DST: variants seen among roughly 807,000 people sequenced by gnomAD.
DST encodes dystonin.
In DST, 253 loss-of-function variants were observed where a neutral mutation model predicts 875.2. That is an observed-to-expected ratio of 0.29 (90% CI 0.26 to 0.32). The LOEUF is 0.32. DST is among the 10% of genes least tolerant of loss of function. The pLI is 1.00. For missense variants in DST, 8,287 were observed against 9,111.6 expected, an observed-to-expected ratio of 0.91 and a Z score of 3.68; for synonymous variants, 3,124 against 3,197.1, an observed-to-expected ratio of 0.98 and a Z score of 0.77.
intron 5 of DST, among the ~76,000 whole-genome samples, chr6:56,712,517 A>G (rs2099375490): frequency 6.7e-6 from 1 of 149,910 alleles, no homozygotes; most frequent in African/African-American, 2.5e-5. Flanking sequence ...ATATAAAGAC[A>G]AATAATGACA....
Position 56,555,429 on chromosome 6 carries a change from C to G in DST, c.15052G>C (p.Val5018Leu). ...TCTGCTTTCAAGTACTCTTCTTTAA[C>G]CAGTGCTGACAAATCCTCACAGAGT... ...QALCEDLSAL[V>L]KEEYLKAELS... Residue 5018 changes from valine to leucine, a missense_variant, in exon 60 of 104, where the codon GTT (valine) becomes CTT (leucine). Coordinates refer to ENST00000680361, the MANE Select transcript of DST (RefSeq NM_001374736.1). 1 of 1,613,980 alleles carries G rather than the reference C, an allele frequency of 6.2e-7. No individual in the cohort carries two copies. The highest frequency in any genetic ancestry group is 2.2e-5 in the East Asian group (1 of 44,892).
chr6:56,760,896 C>T (rs185074737), intron 4 of DST, among the ~76,000 whole-genome samples: 2,997 of 152,116 alleles, frequency 0.02, 90 homozygotes, highest in African/African-American at 0.068. Flanking sequence ...GCACAGACAA[C>T]TCATGTGGTG....
intron 72 of DST, among the ~76,000 whole-genome samples, chr6:56,513,387 T>C (rs575996414): frequency 6.6e-6 from 1 of 152,276 alleles, no homozygotes; most frequent in South Asian, 2.1e-4. Context: ...TGCACCACCA[T>C]GCCCAACTGA....
intron 49 of DST, among the ~76,000 whole-genome samples, chr6:56,589,505 G>A (rs182331912): frequency 6.6e-6 from 1 of 152,300 alleles, no homozygotes; most frequent in African/African-American, 2.4e-5. Context: ...TACCTGTTGG[G>A]ACCAGAAGAC....
In DST at chr6:56,779,353, TA is replaced by T. The variant is rs2099686974; in HGVS notation, c.626-44065del. Among the ~76,000 whole-genome samples, 3 of 152,208 alleles carry T rather than the reference TA, an allele frequency of 2.0e-5. No homozygotes were observed. The South Asian group carries it at 6.2e-4, about 32-fold the overall frequency. ...GTAGGTTGCCTGTTCACTTTGATGG[TA>T]GTTTCTTTTGCTGTGCAGAAGCTCT... On this transcript the variant is annotated intron_variant, in intron 4 of 103. Coordinates refer to ENST00000680361, the MANE Select transcript of DST (RefSeq NM_001374736.1).
chr6:56,860,638 T>A (rs1177368117), intron 3 of DST, among the ~76,000 whole-genome samples: 1 of 152,196 alleles, frequency 6.6e-6, no homozygotes, highest in Non-Finnish European at 1.5e-5. Context: ...TACCTACCCT[T>A]GGTCAACAGG....
chr6:56,690,670 A>T (rs941469238), intron 9 of DST, among the ~76,000 whole-genome samples: 6 of 152,216 alleles, frequency 3.9e-5, no homozygotes, highest in African/African-American at 1.4e-4. Context: ...AAACAAAAGG[A>T]ATGTTGGTTA....
intron 4 of DST, among the ~76,000 whole-genome samples, chr6:56,736,772 C>T (rs754301624): frequency 2.0e-5 from 3 of 151,978 alleles, no homozygotes; most frequent in African/African-American, 7.3e-5. Context: ...GGAAAATATA[C>T]GCAATATGAG....
chr6:56,782,028 T>C (rs892160235), intron 4 of DST, among the ~76,000 whole-genome samples: 2 of 152,160 alleles, frequency 1.3e-5, no homozygotes, highest in African/African-American at 4.8e-5. Context: ...ATTACATTTA[T>C]TGATTTGCGT....
At chr6:56,883,001 G>A (rs1057317804) in intron 3 of DST, among the ~76,000 whole-genome samples, 2 of 152,130 alleles carry the variant, frequency 1.3e-5, no homozygotes, top group Non-Finnish European at 2.9e-5. Context: ...CCAAGTAGCT[G>A]GAATTACAGG....
At chr6:56,636,474 TAACAATAAATTATG>T in intron 23 of DST, 69 bp downstream of exon 23, 1 of 1,060,162 alleles carries the variant, frequency 9.4e-7, no homozygotes, top group Non-Finnish European at 1.5e-6. Flanking sequence ...ATTGTTATCC[TAACAATAAATTATG>T]AAAAAGATTC....
In DST at chr6:56,609,054, A is replaced by G. The variant is rs762342015; in HGVS notation, c.5574T>C (p.Ala1858=). The G allele has an allele frequency of 3.3e-5, 53 of 1,613,762 alleles. No homozygotes were observed. Among genetic ancestry groups the G allele is most frequent in the Admixed American group, 5.0e-5 (3 of 59,974 alleles). The change falls in exon 40 of 104, where the codon GCT becomes GCC. Residue 1858 remains alanine (A), a synonymous_variant. Coordinates refer to ENST00000680361, the MANE Select transcript of DST (RefSeq NM_001374736.1). ...ASPTTIPVLD[A]LAQSMITESM... Reference sequence around the variant, plus strand: ...ATTCTGTTATCATGCTTTGAGCTAGAGCATCCAGTACTGGAATTGTGGTAG... The same window carrying G: ...ATTCTGTTATCATGCTTTGAGCTAGGGCATCCAGTACTGGAATTGTGGTAG...
At position 56,536,915 on chromosome 6, in the gene DST, G is replaced by A; in HGVS notation, c.16634C>T (p.Pro5545Leu). The A allele has an allele frequency of 1.2e-6, 2 of 1,613,622 alleles. No individual in the cohort carries two copies. The highest frequency in any genetic ancestry group is 1.7e-6 in the Non-Finnish European group (2 of 1,179,728). The change falls in exon 62 of 104, where the codon CCC (proline) becomes CTC (leucine). Residue 5545 changes from proline to leucine, a missense_variant. Physicochemically the swap from Pro to Leu is moderately conservative, Grantham distance 98. Around this residue, in one of 10 missense-constraint regions of DST, gnomAD observed 777 missense variants for 764.8 expected, o/e 1.02. Transcript: ENST00000680361. ...TACATCTTGCTGTTTACCTTGCAAG[G>A]GTTCAATCTCTTCTTTCTGGAATAC... ...FKVFQKEEIE[P>L]LQGKQQDVNW... is the part of the protein sequence containing the mutation.
Position 56,606,413 on chromosome 6 carries a change from C to A in DST, c.8215G>T (p.Asp2739Tyr). The A allele has an allele frequency of 6.2e-7, 1 of 1,613,306 alleles. No homozygotes were observed. The highest frequency in any genetic ancestry group is 1.1e-5 in the South Asian group (1 of 91,028). The stretch of plus-strand genomic sequence containing the variant: ...ACAATATCATAATCAGTCAATGAGT[C>A]AGATTCATCACCTTCAAGGATATTT... Reference protein sequence around the residue: ...CTNILEGDESDSLTDYDIVGG... With the variant: ...CTNILEGDESYSLTDYDIVGG... The change falls in exon 40 of 104, where the codon GAC (aspartate) becomes TAC (tyrosine). Residue 2739 changes from aspartate (D) to tyrosine (Y), a missense_variant. Transcript: ENST00000680361.
At chr6:56,808,990 C>T (rs1345055305) in intron 4 of DST, among the ~76,000 whole-genome samples, 2 of 152,154 alleles carry the variant, frequency 1.3e-5, no homozygotes, top group Non-Finnish European at 2.9e-5. Flanking sequence ...TTCCTCATCA[C>T]CCACACTGCC....
At chr6:56,738,396 C>A (rs542523572) in intron 4 of DST, among the ~76,000 whole-genome samples, 1 of 152,320 alleles carries the variant, frequency 6.6e-6, no homozygotes, top group Admixed American at 6.5e-5. Context: ...TCTCAGCTCA[C>A]TACAACCTCC....
chr6:56,546,034 T>C (rs2097214858), intron 61 of DST, among the ~76,000 whole-genome samples: 1 of 152,130 alleles, frequency 6.6e-6, no homozygotes. Flanking sequence ...ATCATATGAA[T>C]ATGCAATAAC....
intron 4 of DST, among the ~76,000 whole-genome samples, chr6:56,741,278 T>C (rs1464552681): frequency 6.6e-6 from 1 of 152,208 alleles, no homozygotes; most frequent in African/African-American, 2.4e-5. Context: ...AACATGATAT[T>C]TCGTAGGTAC....
At chr6:56,648,518 T>C in intron 13 of DST, 52 bp downstream of exon 13, 2 of 1,493,744 alleles carry the variant, frequency 1.3e-6, no homozygotes, top group Non-Finnish European at 1.8e-6. Context: ...ATAGCATTAC[T>C]TAAGGGTTTA....
Sources: gnomAD v4.1 joint callset for allele counts (sites outside exome capture counted in the v4.1 genomes callset) on GRCh38, gnomAD v4.1.1 for gene constraint, gnomAD v4.1.1 regional missense constraint, MANE v1.5 for transcripts, NCBI Gene and HGNC (gene_info 2026-07-23, HGNC 2026-07-21) for gene names.